PMPCA: variants seen among roughly 807,000 people sequenced by gnomAD.
PMPCA encodes mitochondrial-processing peptidase subunit alpha.
PMPCA carries 47 observed loss-of-function variants against 59.3 expected under a neutral mutation model. The observed-to-expected ratio is 0.79, with a 90% CI of 0.63 to 1.01. The LOEUF (loss-of-function observed/expected upper bound fraction) is 1.01, where lower values mean the gene tolerates loss of function less well. PMPCA is among the 50% of genes least tolerant of loss of function. The pLI is 0.00. For missense variants in PMPCA, 726 were observed against 704.5 expected, an observed-to-expected ratio of 1.03 and a Z score of -0.34; for synonymous variants, 338 against 290.3, an observed-to-expected ratio of 1.16 and a Z score of -1.67.
chr9:136,417,264 G>T (rs747095794), intron 7 of PMPCA, 50 bp downstream of exon 7: 1 of 1,482,302 alleles, frequency 6.7e-7, no homozygotes, highest in Admixed American at 2.1e-5. Context: ...CACGTCCCCT[G>T]GCCCGTGGTG....
intron 11 of PMPCA, among the ~76,000 whole-genome samples, chr9:136,421,521 C>T (rs925389121): frequency 4.3e-4 from 65 of 151,830 alleles, no homozygotes; most frequent in Non-Finnish European, 8.8e-4. Flanking sequence ...GCCATTCTCC[C>T]GCCTCAGCTT....
In PMPCA at chr9:136,421,404, G is replaced by GTTTTTTTGTTTTTTTTTTT. The variant is rs780035978; in HGVS notation, c.1264-421_1264-420insGTTTTTTTTTTTTTTTTTT. 4.2e-5 allele frequency among the ~76,000 whole-genome samples: 5 copies of GTTTTTTTGTTTTTTTTTTT among 118,002 alleles called. 1 individual carries two copies. The highest frequency in any genetic ancestry group is 2.9e-4 in the Admixed American group (3 of 10,492). The allele number at this position is 118,002 out of a possible 152,430, so 77.4% of individuals were successfully genotyped here. ...GCCTGTGACTTGGGCCTGGGTTCCCGTTTTTTTTTTTTTTTTTTTTTTTGA... is the reference window on the plus strand; with the variant it reads ...GCCTGTGACTTGGGCCTGGGTTCCCGTTTTTTTGTTTTTTTTTTTTTTTTTTTTTTTTTTTTTTTTTTGA... On this transcript the variant is annotated intron_variant, in intron 11 of 12. Coordinates refer to ENST00000371717, the MANE Select transcript of PMPCA (RefSeq NM_015160.3).
rs756757032 is a variant in PMPCA, at chr9:136,419,032, C to T, written c.1201-12C>T. The T allele has an allele frequency of 8.7e-6, 14 of 1,613,344 alleles. No homozygotes were observed. The highest frequency in any genetic ancestry group is 4.0e-5 in the African/African-American group (3 of 74,924). ...GCAGGCCACACTGTTATCGTCTTGC[C>T]CTTCTTCGCAGGTTCGAGAAATGGT... On this transcript the variant is annotated splice_polypyrimidine_tract_variant and intron_variant, in intron 10 of 12. Transcript: ENST00000371717.
chr9:136,410,951 C>T (rs1835084398), intron 1 of PMPCA, among the ~76,000 whole-genome samples: 1 of 152,250 alleles, frequency 6.6e-6, no homozygotes, highest in Non-Finnish European at 1.5e-5. Flanking sequence ...TCCCCGGCTG[C>T]TGGGTCCTCT....
intron 5 of PMPCA, 50 bp from the exon 6 acceptor site, chr9:136,416,241 C>T (rs1274571407): frequency 2.2e-6 from 3 of 1,349,946 alleles, no homozygotes; most frequent in East Asian, 2.3e-5. Context: ...TGCTGTGTTC[C>T]TCATCTCTGC....
At chr9:136,411,928 G>A (rs747173987) in intron 1 of PMPCA, 69 bp from the exon 2 acceptor site, 24 of 863,796 alleles carry the variant, frequency 2.8e-5, no homozygotes, top group Non-Finnish European at 4.3e-5. Context: ...ATAACTAACC[G>A]CACCTAACAG....
rs752465318 is a variant in PMPCA, at chr9:136,417,053, T to TA, written c.737dup (p.Tyr246Ter). 3.2e-5 allele frequency: 51 copies of TA among 1,613,882 alleles called. No individual in the cohort carries two copies. Among genetic ancestry groups the TA allele is most frequent in the Non-Finnish European group, 4.2e-6 (5 of 1,180,032 alleles). The change falls in exon 7 of 13, where the codon TAC becomes TAAC. Residue 246 changes from tyrosine to a stop codon, truncating the protein, a stop_gained and frameshift_variant. Coordinates refer to ENST00000371717, the MANE Select transcript of PMPCA (RefSeq NM_015160.3). LOFTEE classifies it high-confidence loss of function. Reference sequence around the variant, plus strand: ...GCTGCATTCCTACCTGAGGAACTACTACACTCCCGACCGCATGGTGCTGGC... The same window carrying TA: ...GCTGCATTCCTACCTGAGGAACTACTAACACTCCCGACCGCATGGTGCTGGC... ...EVLHSYLRNY[Y>*]TPDRMVLAGV... is the part of the protein sequence containing the mutation.
At chr9:136,412,255 T>C (rs1424871059) in intron 2 of PMPCA, 56 bp downstream of exon 2, 7 of 1,221,292 alleles carry the variant, frequency 5.7e-6, no homozygotes, top group Non-Finnish European at 8.5e-6. Context: ...GCACATGCTT[T>C]AGTTGACTGT....
At chr9:136,421,772 T>TG (rs752991956) in intron 11 of PMPCA, 60 bp from the exon 12 acceptor site, 24 of 1,465,450 alleles carry the variant, frequency 1.6e-5, no homozygotes, top group African/African-American at 2.8e-5. Context: ...ATTGCTCGAG[T>TG]GGGGGGTGGA....
At chr9:136,413,244 G>A (rs1046090067) in intron 4 of PMPCA, among the ~76,000 whole-genome samples, 21 of 152,342 alleles carry the variant, frequency 1.4e-4, no homozygotes, top group African/African-American at 5.1e-4. Flanking sequence ...AGTTGGGAAA[G>A]GAATCATAGG....
chr9:136,411,952 T>C (rs1835133644), intron 1 of PMPCA, 45 bp from the exon 2 acceptor site: 1 of 1,161,326 alleles, frequency 8.6e-7, no homozygotes, highest in Admixed American at 1.8e-5. Flanking sequence ...ATCACAGGTT[T>C]GTTGTCTCAA....
chr9:136,413,449 GC>G (rs902445808), intron 4 of PMPCA, among the ~76,000 whole-genome samples: 18 of 152,256 alleles, frequency 1.2e-4, no homozygotes, highest in African/African-American at 4.3e-4. Context: ...TGTTCAGAAA[GC>G]ACTGGGCAAT....
intron 11 of PMPCA, chr9:136,420,381 C>CAGA (rs1835416214): frequency 6.6e-6 from 1 of 152,134 alleles, no homozygotes; most frequent in Admixed American, 6.5e-5. Flanking sequence ...GTTGGCCAGG[C>CAGA]TGGTCTTGAA....
chr9:136,417,250 G>A (rs754383748), intron 7 of PMPCA, 36 bp downstream of exon 7: 3 of 1,526,556 alleles, frequency 2.0e-6, no homozygotes, highest in South Asian at 1.3e-5. Flanking sequence ...CCTCGGGTGG[G>A]GAACACGTCC....
chr9:136,411,853 C>T (rs978814622), intron 1 of PMPCA, 144 bp from the exon 2 acceptor site: 2 of 641,736 alleles, frequency 3.1e-6, no homozygotes, highest in Non-Finnish European at 5.7e-6. Context: ...TCTGCTTTGT[C>T]TTCCAAAGTC....
intron 8 of PMPCA, 82 bp downstream of exon 8, chr9:136,418,191 C>T (rs773463719): frequency 2.3e-4 from 229 of 988,362 alleles, no homozygotes; most frequent in Middle Eastern, 4.2e-4. Context: ...CCCTGGCATC[C>T]GACAGCGCTC....
rs750962911 is a variant in PMPCA, at chr9:136,423,240, C to T, written c.1554C>T (p.Pro518=). 7 of 1,613,024 alleles carry T rather than the reference C, an allele frequency of 4.3e-6. No homozygotes were observed. The South Asian group carries it at 5.5e-5, about 13-fold the overall frequency. Residue 518 remains proline (P), a synonymous_variant, in exon 13 of 13, where the codon CCC becomes CCT. Coordinates refer to ENST00000371717, the MANE Select transcript of PMPCA (RefSeq NM_015160.3). Reference sequence around the variant, plus strand: ...TGTCGAGTAAGGACGGGCGCCTGCCCAGGACGTACCGGCTCTTCCGGTAGA... The same window carrying T: ...TGTCGAGTAAGGACGGGCGCCTGCCTAGGACGTACCGGCTCTTCCGGTAGA... The part of the protein sequence containing the change: ...TALSSKDGRL[P]RTYRLFR
intron 6 of PMPCA, 92 bp downstream of exon 6, chr9:136,416,483 C>T: frequency 1.1e-6 from 1 of 889,980 alleles, no homozygotes; most frequent in Non-Finnish European, 1.9e-6. Context: ...GTGATGTTGT[C>T]CTTGCAGGTT....
intron 5 of PMPCA, among the ~76,000 whole-genome samples, chr9:136,415,463 C>G (rs150456387): frequency 2.0e-5 from 3 of 152,328 alleles, no homozygotes; most frequent in Non-Finnish European, 4.4e-5. Flanking sequence ...TTGCAGATGG[C>G]AGGACTTTGA....
Sources: gnomAD v4.1 joint callset for allele counts (sites outside exome capture counted in the v4.1 genomes callset) on GRCh38, gnomAD v4.1.1 for gene constraint, MANE v1.5 for transcripts, NCBI Gene and HGNC (gene_info 2026-07-23, HGNC 2026-07-21) for gene names.